GSG1L: variants seen among roughly 807,000 people sequenced by gnomAD.
GSG1L encodes GSG1 like, also known as germ cell-specific gene 1-like protein.
GSG1L carries 24 observed loss-of-function variants against 42.1 expected under a neutral mutation model. That is an observed-to-expected ratio of 0.57 (90% CI 0.41 to 0.80). The LOEUF is 0.80. Among genes scored for constraint, GSG1L ranks in the 30% least tolerant of loss-of-function variants. The pLI is 0.00. For missense variants in GSG1L, 445 were observed against 472.2 expected (o/e 0.94, Z 0.53); for synonymous variants, 215 against 203.5 (o/e 1.06, Z -0.48).
chr16:27,903,586 A>T (rs1172947161), intron 2 of GSG1L, among the ~76,000 whole-genome samples: 1 of 152,118 alleles, frequency 6.6e-6, no homozygotes, highest in African/African-American at 2.4e-5. Context: ...CCACCTCTCC[A>T]CCAAAGCCCA....
At chr16:27,810,877 G>A (rs1212890720) in intron 5 of GSG1L, among the ~76,000 whole-genome samples, 1 of 151,958 alleles carries the variant, frequency 6.6e-6, no homozygotes, top group African/African-American at 2.4e-5. Flanking sequence ...AGTAGAGATG[G>A]GGGTCTCGCC....
chr16:27,807,455 T>C (rs2144437496), intron 6 of GSG1L, 32 bp downstream of exon 6: 1 of 1,583,566 alleles, frequency 6.3e-7, no homozygotes, highest in Non-Finnish European at 8.7e-7. Flanking sequence ...CATGAATCTG[T>C]CGTAGCAGAT....
intron 3 of GSG1L, among the ~76,000 whole-genome samples, chr16:27,852,734 G>A (rs990495909): frequency 6.6e-6 from 1 of 152,294 alleles, no homozygotes; most frequent in East Asian, 1.9e-4. Context: ...AGGACCCGGG[G>A]CAGGAATTGC....
chr16:27,951,344 A>G (rs1364201019), intron 2 of GSG1L, among the ~76,000 whole-genome samples: 6 of 152,208 alleles, frequency 3.9e-5, no homozygotes, highest in Non-Finnish European at 8.8e-5. Context: ...GAGAAGGAGT[A>G]ATGGAGTGTG....
chr16:27,961,928 C>G (rs961633806), intron 2 of GSG1L, among the ~76,000 whole-genome samples: 1 of 152,110 alleles, frequency 6.6e-6, no homozygotes, highest in Admixed American at 6.5e-5. Context: ...GACTGGAGCG[C>G]TCCAAAAAGA....
intron 3 of GSG1L, among the ~76,000 whole-genome samples, chr16:27,862,039 G>A (rs1567492247): frequency 6.6e-6 from 1 of 152,148 alleles, no homozygotes; most frequent in Non-Finnish European, 1.5e-5. Flanking sequence ...GGCACCATCT[G>A]CCAAGCCTGC....
intron 4 of GSG1L, among the ~76,000 whole-genome samples, chr16:27,833,334 T>A (rs939188366): frequency 6.6e-6 from 1 of 152,162 alleles, no homozygotes. Flanking sequence ...GTTCTCTATT[T>A]TTTTTTTCAT....
chr16:27,806,642 G>A (rs2082966111), intron 6 of GSG1L, among the ~76,000 whole-genome samples: 2 of 152,220 alleles, frequency 1.3e-5, no homozygotes, highest in Non-Finnish European at 2.9e-5. Flanking sequence ...TATGGCTGGA[G>A]GTGGGGAAGC....
intron 1 of GSG1L, among the ~76,000 whole-genome samples, chr16:28,004,714 G>C (rs1188773021): frequency 6.6e-6 from 1 of 152,106 alleles, no homozygotes; most frequent in Non-Finnish European, 1.5e-5. Context: ...GGAGGTGGAA[G>C]CCGCAGTGAG....
intron 1 of GSG1L, among the ~76,000 whole-genome samples, chr16:28,046,456 C>T (rs898351579): frequency 5.4e-5 from 8 of 148,620 alleles, no homozygotes; most frequent in Middle Eastern, 3.3e-3. Flanking sequence ...CGGGTTCAAG[C>T]GATTCTCCTG....
chr16:27,980,512 C>T (rs933442106), intron 1 of GSG1L, among the ~76,000 whole-genome samples: 3 of 152,188 alleles, frequency 2.0e-5, no homozygotes, highest in African/African-American at 7.2e-5. Context: ...GTTCTAAGTG[C>T]TTTACATGCA....
intron 1 of GSG1L, among the ~76,000 whole-genome samples, chr16:28,044,582 A>G (rs2141188199): frequency 1.3e-5 from 2 of 152,166 alleles, no homozygotes; most frequent in Middle Eastern, 6.8e-3. Context: ...CTACAAAGAA[A>G]CAAGCTATCA....
intron 1 of GSG1L, among the ~76,000 whole-genome samples, chr16:27,993,282 A>T (rs1178043027): frequency 6.6e-6 from 1 of 152,034 alleles, no homozygotes; most frequent in Admixed American, 6.6e-5. Context: ...CCAAGTAGAC[A>T]GGACTACAGG....
chr16:27,929,731 T>C (rs954957925), intron 2 of GSG1L, among the ~76,000 whole-genome samples: 1 of 151,964 alleles, frequency 6.6e-6, no homozygotes, highest in Non-Finnish European at 1.5e-5. Flanking sequence ...CTGATGCTGC[T>C]GTTACTGATA....
In GSG1L at chr16:28,059,116, A is replaced by G. The variant is rs2086312165; in HGVS notation, c.349+3960T>C. Among the ~76,000 whole-genome samples, 1 of 152,132 alleles carries G rather than the reference A, an allele frequency of 6.6e-6. No homozygotes were observed. The highest frequency in any genetic ancestry group is 2.4e-5 in the African/African-American group (1 of 41,404). On this transcript the variant is annotated intron_variant, in intron 1 of 6. Coordinates refer to ENST00000447459, the MANE Select transcript of GSG1L (RefSeq NM_001109763.2). The surrounding 1 kb of genome is among the most constrained non-coding windows in gnomAD (Gnocchi z 4.4). ...CCCCACTCCCTGCCCTACGTCACCA[A>G]ATCCTTGCATCTCCGGCGGGTGCTA...
At position 28,007,515 on chromosome 16, in the gene GSG1L, GTGGT is replaced by G. The variant is rs1555513702; in HGVS notation, c.350-44316_350-44313del. Among the ~76,000 whole-genome samples, 13 of 38,142 alleles carry G rather than the reference GTGGT, an allele frequency of 3.4e-4. No homozygotes were observed. The East Asian group carries it at 3.7e-3, about 11-fold the overall frequency. The allele number at this position is 38,142 out of a possible 152,430, so 25.0% of individuals were successfully genotyped here. A position where few individuals can be genotyped will look rare whatever the true frequency, so the allele number is the denominator to read the frequency against. Reference sequence around the variant, plus strand: ...GGTTGGTTGGTTGGTTGGTTGGTTGGTGGTTGGTTGGTTTTGAGACAGGATCTTG... The same window carrying G: ...GGTTGGTTGGTTGGTTGGTTGGTTGGTGGTTGGTTTTGAGACAGGATCTTG... On this transcript the variant is annotated intron_variant, in intron 1 of 6. Transcript: ENST00000447459.
intron 2 of GSG1L, among the ~76,000 whole-genome samples, chr16:27,890,134 G>C (rs930948495): frequency 6.6e-6 from 1 of 152,168 alleles, no homozygotes; most frequent in African/African-American, 2.4e-5. Flanking sequence ...TGGCTGTGGG[G>C]CGTAGGATTC....
At chr16:27,851,286 T>C (rs2083512009) in intron 3 of GSG1L, among the ~76,000 whole-genome samples, 1 of 152,142 alleles carries the variant, frequency 6.6e-6, no homozygotes, top group Non-Finnish European at 1.5e-5. Flanking sequence ...AGCCTCAATG[T>C]GCTGGGCTCA....
At chr16:27,835,239 CTT>C (rs898165181) in intron 4 of GSG1L, among the ~76,000 whole-genome samples, 1 of 152,088 alleles carries the variant, frequency 6.6e-6, no homozygotes, top group Non-Finnish European at 1.5e-5. Context: ...TGGATTGACT[CTT>C]TTATCACTAT....
Sources: gnomAD v4.1 joint callset for allele counts (sites outside exome capture counted in the v4.1 genomes callset) on GRCh38, gnomAD v4.1.1 for gene constraint, Gnocchi (gnomAD v3.1) non-coding constraint, MANE v1.5 for transcripts, NCBI Gene and HGNC (gene_info 2026-07-23, HGNC 2026-07-21) for gene names.